The following DGKB variants were observed in gnomAD, a reference collection of about 807,000 sequenced individuals.
DGKB encodes the protein diacylglycerol kinase beta, also known as 90 kDa diacylglycerol kinase.
Under a neutral mutation model 114.3 loss-of-function variants are expected in DGKB, and 67 were observed. The ratio of observed to expected loss-of-function variants is 0.59; its 90% confidence interval spans 0.48 to 0.72. The LOEUF is 0.72. Ranked by LOEUF, DGKB falls within the 30% of genes least tolerant of loss-of-function variation. DGKB has a pLI of 0.00. For missense variants in DGKB, 907 were observed against 975.2 expected, an observed-to-expected ratio of 0.93 and a Z score of 0.93; for synonymous variants, 398 against 323.1, an observed-to-expected ratio of 1.23 and a Z score of -2.49.
chr7:14,410,973 C>T (rs1221919366), intron 21 of DGKB, among the ~76,000 whole-genome samples: 1 of 152,122 alleles, frequency 6.6e-6, no homozygotes, highest in East Asian at 1.9e-4. Flanking sequence ...GATACACATT[C>T]AATAGAAACC....
intron 23 of DGKB, among the ~76,000 whole-genome samples, chr7:14,237,678 T>C (rs988142674): frequency 1.3e-5 from 2 of 152,026 alleles, no homozygotes; most frequent in Non-Finnish European, 2.9e-5. Flanking sequence ...ATAGTTTATG[T>C]AGTAGAATCA....
intron 2 of DGKB, among the ~76,000 whole-genome samples, chr7:14,779,508 C>T (rs1203545627): frequency 6.6e-6 from 1 of 152,024 alleles, no homozygotes; most frequent in African/African-American, 2.4e-5. Flanking sequence ...TGTATTCTAG[C>T]CTGGGCAACA....
intron 6 of DGKB, among the ~76,000 whole-genome samples, chr7:14,714,239 G>A (rs1050322074): frequency 3.9e-5 from 6 of 151,990 alleles, no homozygotes; most frequent in African/African-American, 1.4e-4. Flanking sequence ...GGGGAGGCAG[G>A]GGGTTGAAAC....
At chr7:14,697,772 C>G (rs1464824) in intron 8 of DGKB, among the ~76,000 whole-genome samples, 57,437 of 110,752 alleles carry the variant, frequency 0.52, 11,972 homozygotes, top group South Asian at 0.63. Flanking sequence ...AAGAAAGAAA[C>G]AAAGAGAAAG....
intron 4 of DGKB, among the ~76,000 whole-genome samples, chr7:14,741,003 C>A (rs779948654): frequency 6.6e-6 from 1 of 152,160 alleles, no homozygotes; most frequent in Admixed American, 6.5e-5. Context: ...AGCCATTCGT[C>A]TTCAGTCTGT....
intron 23 of DGKB, among the ~76,000 whole-genome samples, chr7:14,256,948 T>C (rs1796046073): frequency 6.6e-6 from 1 of 152,120 alleles, no homozygotes; most frequent in African/African-American, 2.4e-5. Flanking sequence ...GGAGAATTGC[T>C]GGAGCCCAGA....
intron 1 of DGKB, among the ~76,000 whole-genome samples, chr7:14,936,936 C>T (rs2128252946): frequency 6.6e-6 from 1 of 150,522 alleles, no homozygotes; most frequent in Admixed American, 6.6e-5. Flanking sequence ...TTTGTTTCTC[C>T]CATGGTGTAA....
chr7:14,193,550 A>G (rs1379651070), intron 23 of DGKB, among the ~76,000 whole-genome samples: 1 of 152,228 alleles, frequency 6.6e-6, no homozygotes, highest in Non-Finnish European at 1.5e-5. Context: ...TCAACTCAAA[A>G]TGAATTAAAG....
intron 25 of DGKB, among the ~76,000 whole-genome samples, chr7:14,174,754 A>G (rs1455587606): frequency 6.6e-6 from 1 of 152,166 alleles, no homozygotes; most frequent in Non-Finnish European, 1.5e-5. Context: ...CACCTCTGCA[A>G]TAGCATCACC....
At chr7:14,645,131 A>G (rs899731577) in intron 13 of DGKB, among the ~76,000 whole-genome samples, 1 of 152,152 alleles carries the variant, frequency 6.6e-6, no homozygotes, top group Non-Finnish European at 1.5e-5. Context: ...TGGACCCATC[A>G]GCATGCATTC....
At chr7:14,650,852 G>A (rs1160065119) in intron 13 of DGKB, among the ~76,000 whole-genome samples, 2 of 151,360 alleles carry the variant, frequency 1.3e-5, no homozygotes, top group Non-Finnish European at 2.9e-5. Context: ...ACTACCATCA[G>A]AGAATAATAC....
intron 23 of DGKB, among the ~76,000 whole-genome samples, chr7:14,261,707 T>C (rs1203203137): frequency 6.6e-6 from 1 of 152,222 alleles, no homozygotes; most frequent in African/African-American, 2.4e-5. Context: ...AAACATAGTT[T>C]ATATAGATAT....
chr7:14,268,518 A>C (rs1474902991), intron 23 of DGKB, among the ~76,000 whole-genome samples: 1 of 152,224 alleles, frequency 6.6e-6, no homozygotes, highest in African/African-American at 2.4e-5. Flanking sequence ...TCAGAATAAC[A>C]ATGTAAAAGC....
intron 20 of DGKB, among the ~76,000 whole-genome samples, chr7:14,570,738 G>T (rs1798260160): frequency 6.6e-6 from 1 of 151,874 alleles, no homozygotes; most frequent in Non-Finnish European, 1.5e-5. Context: ...GAAGAGAAGG[G>T]GTTGATCTTG....
intron 21 of DGKB, among the ~76,000 whole-genome samples, chr7:14,391,156 T>C (rs756230010): frequency 6.9e-4 from 105 of 152,226 alleles, no homozygotes; most frequent in Non-Finnish European, 1.1e-3. Flanking sequence ...CGATTATTAA[T>C]GCCACATTAA....
At chr7:14,843,838 C>T (rs987530660) in intron 1 of DGKB, among the ~76,000 whole-genome samples, 1 of 146,256 alleles carries the variant, frequency 6.8e-6, no homozygotes, top group Non-Finnish European at 1.5e-5. Flanking sequence ...GCTATTCCAA[C>T]AATGTGTCAG....
intron 1 of DGKB, among the ~76,000 whole-genome samples, chr7:14,945,354 G>A (rs1017471019): frequency 2.6e-5 from 4 of 151,812 alleles, no homozygotes; most frequent in African/African-American, 7.2e-5. Context: ...GAAGGAAGTA[G>A]GCACATTTGT....
chr7:14,532,583 A>C (rs1791775686), intron 20 of DGKB, among the ~76,000 whole-genome samples: 1 of 151,562 alleles, frequency 6.6e-6, no homozygotes, highest in East Asian at 1.9e-4. Context: ...TATATAAGAA[A>C]TACATAATAA....
At chr7:14,420,479 G>A (rs996865747) in intron 21 of DGKB, among the ~76,000 whole-genome samples, 1 of 151,964 alleles carries the variant, frequency 6.6e-6, no homozygotes, top group Non-Finnish European at 1.5e-5. Context: ...GCAGATTTGG[G>A]TGGGGAGCAG....
Sources: gnomAD v4.1 joint callset for allele counts (sites outside exome capture counted in the v4.1 genomes callset) on GRCh38, gnomAD v4.1.1 for gene constraint, MANE v1.5 for transcripts, NCBI Gene and HGNC (gene_info 2026-07-23, HGNC 2026-07-21) for gene names.